NEK1: variants seen among roughly 807,000 people sequenced by gnomAD.
The protein encoded by NEK1 is NIMA related kinase 1, also known as serine/threonine-protein kinase Nek1.
Under a neutral mutation model 182.1 loss-of-function variants are expected in NEK1, and 137 were observed. The ratio of observed to expected loss-of-function variants is 0.75; its 90% CI spans 0.65 to 0.87. The LOEUF (loss-of-function observed/expected upper bound fraction) is 0.87, where lower values mean the gene tolerates loss of function less well. Among genes scored for constraint, NEK1 ranks in the 40% least tolerant of loss-of-function variants. The pLI is 0.00. For missense variants in NEK1, 1,391 were observed against 1,494.4 expected, an observed-to-expected ratio of 0.93 and a Z score of 1.14; for synonymous variants, 513 against 492.2, an observed-to-expected ratio of 1.04 and a Z score of -0.56.
chr4:169,417,884 A>T (rs566077998), intron 31 of NEK1, among the ~76,000 whole-genome samples: 23 of 152,374 alleles, frequency 1.5e-4, no homozygotes, highest in African/African-American at 5.5e-4. Flanking sequence ...CTTTGGGTGC[A>T]GCCTTGCTAG....
intron 18 of NEK1, among the ~76,000 whole-genome samples, chr4:169,548,389 G>A (rs1162045250): frequency 6.6e-6 from 1 of 152,204 alleles, no homozygotes; most frequent in African/African-American, 2.4e-5. Flanking sequence ...TCTCCTGTAT[G>A]AGGAGTCTGT....
At chr4:169,507,264 T>TA in intron 22 of NEK1, 132 bp from the exon 23 acceptor site, 1 of 538,988 alleles carries the variant, frequency 1.9e-6, no homozygotes, top group Non-Finnish European at 3.0e-6. Context: ...GGTCTTAGAA[T>TA]AAAAATGTAA....
chr4:169,450,382 T>C, intron 27 of NEK1, among the ~76,000 whole-genome samples: 1 of 152,122 alleles, frequency 6.6e-6, no homozygotes, highest in Non-Finnish European at 1.5e-5. Flanking sequence ...AATTGTCAGA[T>C]TCACCAAGGT....
intron 17 of NEK1, 34 bp downstream of exon 17, chr4:169,555,896 CAA>C: frequency 1.2e-6 from 2 of 1,613,448 alleles, no homozygotes; most frequent in Non-Finnish European, 1.7e-6. Context: ...ATCTCAGAAG[CAA>C]AGCATAAGCA....
Position 169,498,336 on chromosome 4 carries a change from G to A in NEK1, c.2007+8701C>T, listed in dbSNP as rs142186254. On this transcript the variant is annotated intron_variant, in intron 23 of 35. Coordinates refer to ENST00000507142, the MANE Select transcript of NEK1 (RefSeq NM_001199397.3). ...ATGGGTTTCCTGAATACAGCACACT[G>A]ACGGATCTTGACTCTTTATCCAATT... Among the ~76,000 whole-genome samples, 745 of 152,260 alleles carry A rather than the reference G, an allele frequency of 4.9e-3. 8 individuals carry two copies. Among genetic ancestry groups the A allele is most frequent in the African/African-American group, 0.017 (693 of 41,526 alleles).
chr4:169,480,997 A>T (rs913194549), intron 23 of NEK1, among the ~76,000 whole-genome samples: 5 of 152,190 alleles, frequency 3.3e-5, no homozygotes, highest in African/African-American at 1.2e-4. Context: ...AAGTTTACAA[A>T]ATATTCTAAA....
chr4:169,555,791 A>C lies in NEK1; in HGVS notation c.1491T>G (p.Phe497Leu). 1.2e-6 allele frequency: 2 copies of C among 1,613,796 alleles called. No individual in the cohort carries two copies. The highest frequency in any genetic ancestry group is 1.7e-6 in the Non-Finnish European group (2 of 1,179,724). Residue 497 changes from phenylalanine to leucine, a missense_variant, in exon 18 of 36, where the codon TTT (phenylalanine) becomes TTG (leucine). Coordinates refer to ENST00000507142, the MANE Select transcript of NEK1 (RefSeq NM_001199397.3). ...TTTTTCTAATATCATCAGCATCAGG[A>C]AAATGGTGATGACCTGCAGCCCCAT... ...FPYGAAGHHH[F>L]PDADDIRKTL...
chr4:169,497,702 T>C (rs532300360), intron 23 of NEK1, among the ~76,000 whole-genome samples: 64 of 152,352 alleles, frequency 4.2e-4, no homozygotes, highest in South Asian at 1.0e-3. Flanking sequence ...AGTTTCCACG[T>C]AGTTGAGCGG....
chr4:169,492,405 C>A (rs1008261730), intron 23 of NEK1, among the ~76,000 whole-genome samples: 1 of 152,172 alleles, frequency 6.6e-6, no homozygotes, highest in Non-Finnish European at 1.5e-5. Flanking sequence ...TTGATAGCGA[C>A]CGCTGAGGAA....
At chr4:169,469,026 T>C (rs1440078878) in intron 26 of NEK1, among the ~76,000 whole-genome samples, 1 of 152,194 alleles carries the variant, frequency 6.6e-6, no homozygotes, top group Non-Finnish European at 1.5e-5. Context: ...TTAGTCTGGC[T>C]AGCCGTCTAT....
In NEK1 at chr4:169,588,696, G is replaced by C; in HGVS notation, c.504C>G (p.Tyr168Ter). 1 of 1,550,018 alleles carries C rather than the reference G, an allele frequency of 6.5e-7. No individual in the cohort carries two copies. The highest frequency in any genetic ancestry group is 8.7e-7 in the Non-Finnish European group (1 of 1,145,392). Reference protein sequence around the residue: ...ELARTCIGTPYYLSPEICENK... With the variant: ...ELARTCIGTP ...TTTCACAGATTTCAGGTGACAAGTA[G>C]TATGGGGTCCCTATGCAAGTTCGAG... Residue 168 changes from tyrosine to a stop codon, truncating the protein, a stop_gained, in exon 8 of 36, where the codon TAC becomes TAG. Transcript: ENST00000507142. LOFTEE classifies it high-confidence loss of function.
rs751778044 is a variant in NEK1, at chr4:169,477,439, G to T, written c.2198C>A (p.Ala733Asp). Residue 733 changes from alanine to aspartate, a missense_variant, in exon 25 of 36, where the codon GCT becomes GAT. Around this residue, in one of 5 missense-constraint regions of NEK1, gnomAD observed 1,216 missense variants for 1,277.6 expected, o/e 0.95. Coordinates refer to ENST00000507142, the MANE Select transcript of NEK1 (RefSeq NM_001199397.3). ...TSEEMQKTNN[A>D]ISSKREILRR... is the part of the protein sequence containing the mutation. ...TTTGAAAATTTTACTTACTGAAATA[G>T]CATTGTTGGTCTTTTGCATCTCTTC... 4 of 1,604,418 alleles carry T rather than the reference G, an allele frequency of 2.5e-6. No homozygotes were observed. Among genetic ancestry groups the T allele is most frequent in the Non-Finnish European group, 3.4e-6 (4 of 1,175,502 alleles).
rs1753547296 is a variant in NEK1, at chr4:169,507,715, C to T, written c.1911G>A (p.Lys637=). The change falls in exon 22 of 36, where the codon AAG becomes AAA. Residue 637 remains lysine (K), a splice_region_variant and synonymous_variant. Coordinates refer to ENST00000507142, the MANE Select transcript of NEK1 (RefSeq NM_001199397.3). ...DMRRKKIESL[K]AHANARAAVL... ...AACCTGTATCATTTCTAGTCTATAC[C>T]TTCAGTGATTCGATTTTTTTGCGCC... 1.2e-6 allele frequency: 2 copies of T among 1,610,132 alleles called. No homozygotes were observed. Among genetic ancestry groups the T allele is most frequent in the Non-Finnish European group, 8.5e-7 (1 of 1,177,104 alleles).
chr4:169,568,952 G>C (rs13328014), intron 12 of NEK1, among the ~76,000 whole-genome samples: 1 of 107,810 alleles, frequency 9.3e-6, no homozygotes, highest in African/African-American at 4.8e-5. Flanking sequence ...AAAAAAAAAA[G>C]AAAACCCAAA....
intron 23 of NEK1, among the ~76,000 whole-genome samples, chr4:169,489,089 C>A (rs1010992011): frequency 6.6e-6 from 1 of 152,104 alleles, no homozygotes; most frequent in Admixed American, 6.5e-5. Flanking sequence ...TACCAGTGTG[C>A]ATTAAATAAA....
intron 19 of NEK1, among the ~76,000 whole-genome samples, chr4:169,518,480 A>G (rs1755504021): frequency 8.4e-6 from 1 of 119,710 alleles, no homozygotes; most frequent in African/African-American, 3.9e-5. Flanking sequence ...TGATTTTTTG[A>G]AGGGTTTTTT....
intron 10 of NEK1, among the ~76,000 whole-genome samples, chr4:169,584,547 A>G (rs887071075): frequency 1.3e-5 from 2 of 152,002 alleles, no homozygotes; most frequent in African/African-American, 4.8e-5. Context: ...AGGAGATGGC[A>G]GTTGCAGTGA....
chr4:169,508,431 G>T (rs965160602), intron 20 of NEK1, 100 bp from the exon 21 acceptor site: 9 of 896,752 alleles, frequency 1.0e-5, no homozygotes, highest in Middle Eastern at 5.0e-4. Flanking sequence ...GTGTTAATTT[G>T]AACACAAGAA....
At chr4:169,567,346 T>G (rs1252661242) in intron 12 of NEK1, among the ~76,000 whole-genome samples, 1 of 152,158 alleles carries the variant, frequency 6.6e-6, no homozygotes, top group Admixed American at 6.5e-5. Flanking sequence ...TGCAGTTCTG[T>G]GGCATTAAAT....
Sources: allele counts gnomAD v4.1 joint callset (sites outside exome capture counted in the v4.1 genomes callset), GRCh38; gene constraint gnomAD v4.1.1; regional missense constraint gnomAD v4.1.1; transcripts MANE v1.5; gene names NCBI Gene and HGNC (gene_info 2026-07-23, HGNC 2026-07-21).